The following SCAI variants were observed in gnomAD, a reference collection of about 807,000 sequenced individuals.
SCAI encodes protein SCAI.
Under a neutral mutation model 92.2 loss-of-function variants are expected in SCAI, and 24 were observed. The observed-to-expected ratio is 0.26, with a 90% CI of 0.19 to 0.37. The LOEUF (loss-of-function observed/expected upper bound fraction) is 0.37, where lower values mean the gene tolerates loss of function less well. Among genes scored for constraint, SCAI ranks in the 10% least tolerant of loss-of-function variants. SCAI has a pLI of 1.00. For missense variants in SCAI, 450 were observed against 736.2 expected (o/e 0.61, Z 4.50); for synonymous variants, 261 against 258.6 (o/e 1.01, Z -0.09).
At chr9:125,089,682 G>C (rs1334982046) in intron 2 of SCAI, among the ~76,000 whole-genome samples, 1 of 150,930 alleles carries the variant, frequency 6.6e-6, no homozygotes, top group East Asian at 1.9e-4. Context: ...TTTTGGTTTG[G>C]GGTTGGGGGG....
chr9:124,968,559 T>G, intron 17 of SCAI: 1 of 906,410 alleles, frequency 1.1e-6, no homozygotes, highest in South Asian at 1.3e-5. Flanking sequence ...GGAAACATCA[T>G]AGTCCTCAAA....
chr9:125,006,480 A>ACATTCATT (rs144230376), intron 9 of SCAI, among the ~76,000 whole-genome samples: 21 of 152,202 alleles, frequency 1.4e-4, no homozygotes, highest in African/African-American at 3.4e-4. Flanking sequence ...ATAACCTAAT[A>ACATTCATT]CATTCATTCA....
intron 17 of SCAI, among the ~76,000 whole-genome samples, chr9:124,959,031 T>G (rs1831379003): frequency 6.6e-6 from 1 of 151,994 alleles, no homozygotes; most frequent in Non-Finnish European, 1.5e-5. Context: ...GTAGCTTCAA[T>G]TTGCATTGAA....
intron 13 of SCAI, among the ~76,000 whole-genome samples, chr9:124,997,150 G>A (rs949004962): frequency 4.6e-5 from 7 of 151,958 alleles, no homozygotes; most frequent in Admixed American, 3.3e-4. Flanking sequence ...AATCCAAAAC[G>A]AAAAATGCTC....
At chr9:125,099,116 A>G (rs1834624973) in intron 2 of SCAI, among the ~76,000 whole-genome samples, 1 of 152,290 alleles carries the variant, frequency 6.6e-6, no homozygotes, top group Admixed American at 6.5e-5. Context: ...ACTTCCTTGA[A>G]GTTTATTTCT....
At chr9:125,020,624 T>C in intron 7 of SCAI, 49 bp downstream of exon 7, 1 of 783,572 alleles carries the variant, frequency 1.3e-6, no homozygotes, top group East Asian at 2.8e-5. Context: ...AATAAGATCA[T>C]CCATATACAA....
chr9:125,091,878 G>A lies in SCAI; in HGVS notation c.99-35871C>T, dbSNP rs929092643. On this transcript the variant is annotated intron_variant, in intron 2 of 17. Coordinates refer to ENST00000336505, the MANE Select transcript of SCAI (RefSeq NM_001144877.3). This position sits in a 1 kb window ranked among gnomAD's most constrained non-coding sequence, Gnocchi z 4.3. ...TGTAATCCCAGCACTGCGGGAGGCCGAGGCGAGCAGATCACGAGGTCAGGA... is the reference window on the plus strand; with the variant it reads ...TGTAATCCCAGCACTGCGGGAGGCCAAGGCGAGCAGATCACGAGGTCAGGA... Among the ~76,000 whole-genome samples the A allele has an allele frequency of 5.3e-5, 8 of 152,156 alleles. No individual in the cohort carries two copies. Among genetic ancestry groups the A allele is most frequent in the Non-Finnish European group, 1.0e-4 (7 of 68,034 alleles).
chr9:124,982,967 A>G (rs912577138), intron 14 of SCAI, among the ~76,000 whole-genome samples: 9 of 152,086 alleles, frequency 5.9e-5, no homozygotes. Flanking sequence ...AGCCTGGAGA[A>G]CATAGCAAGA....
At chr9:125,030,091 T>C (rs1390381195) in intron 3 of SCAI, among the ~76,000 whole-genome samples, 2 of 152,218 alleles carry the variant, frequency 1.3e-5, no homozygotes, top group Non-Finnish European at 2.9e-5. Context: ...AGCTGAATGT[T>C]TGAAAAACAC....
chr9:125,129,454 C>CTTTTTTT (rs1171739834), intron 2 of SCAI, among the ~76,000 whole-genome samples: 1 of 67,558 alleles, frequency 1.5e-5, no homozygotes, highest in Admixed American at 1.8e-4. Flanking sequence ...ATTAGAATTT[C>CTTTTTTT]TTTTTTTTTT....
chr9:125,109,309 A>G (rs1834885482), intron 2 of SCAI, among the ~76,000 whole-genome samples: 1 of 151,952 alleles, frequency 6.6e-6, no homozygotes, highest in Admixed American at 6.6e-5. Context: ...TTGTCCTATG[A>G]CCCTGCCAAA....
intron 17 of SCAI, among the ~76,000 whole-genome samples, chr9:124,965,965 T>C (rs1475724948): frequency 6.6e-6 from 1 of 152,222 alleles, no homozygotes; most frequent in East Asian, 1.9e-4. Context: ...CTCACGGAAA[T>C]GACAGGCATT....
chr9:124,967,981 G>A (rs936517598), intron 17 of SCAI, among the ~76,000 whole-genome samples: 6 of 152,106 alleles, frequency 3.9e-5, no homozygotes, highest in Non-Finnish European at 8.8e-5. Context: ...TTCTCCTGCT[G>A]GAATTTTTCC....
chr9:125,109,066 C>T lies in SCAI; in HGVS notation c.98+33567G>A, dbSNP rs183446833. 1.7e-4 allele frequency among the ~76,000 whole-genome samples: 26 copies of T among 152,302 alleles called. No individual in the cohort carries two copies. In the East Asian group the frequency reaches 4.2e-3, roughly 25 times the overall value. ...TTGATCTATCACCTTACCCCCAACC[C>T]GCTGCTCTCTGAAACATGTGCTGTG... On this transcript the variant is annotated intron_variant, in intron 2 of 17. Coordinates refer to ENST00000336505, the MANE Select transcript of SCAI (RefSeq NM_001144877.3).
At chr9:125,056,713 G>A (rs1004686769) in intron 2 of SCAI, among the ~76,000 whole-genome samples, 16 of 152,162 alleles carry the variant, frequency 1.1e-4, no homozygotes, top group South Asian at 6.2e-4. Context: ...CACTTTATCC[G>A]TGTATTTATT....
At chr9:125,128,680 G>T (rs1835329866) in intron 2 of SCAI, among the ~76,000 whole-genome samples, 1 of 151,966 alleles carries the variant, frequency 6.6e-6, no homozygotes, top group Admixed American at 6.6e-5. Context: ...ATGAACCCAG[G>T]AGGCAGAGCT....
chr9:125,038,691 G>A (rs1354005615), intron 3 of SCAI, among the ~76,000 whole-genome samples: 1 of 152,006 alleles, frequency 6.6e-6, no homozygotes, highest in African/African-American at 2.4e-5. Flanking sequence ...ATTTTCTCAG[G>A]ATACTGAGAG....
At chr9:125,110,349 C>T (rs1246210208) in intron 2 of SCAI, among the ~76,000 whole-genome samples, 1 of 152,112 alleles carries the variant, frequency 6.6e-6, no homozygotes, top group Non-Finnish European at 1.5e-5. Context: ...TTCTAAAACA[C>T]AATTTTAAAA....
chr9:125,057,270 A>G (rs1340141818), intron 2 of SCAI, among the ~76,000 whole-genome samples: 2 of 152,214 alleles, frequency 1.3e-5, no homozygotes, highest in African/African-American at 4.8e-5. Flanking sequence ...CTCTGCCAAA[A>G]GACAGTAGAA....
Sources: allele counts gnomAD v4.1 joint callset (sites outside exome capture counted in the v4.1 genomes callset), GRCh38; gene constraint gnomAD v4.1.1; non-coding constraint Gnocchi (gnomAD v3.1); transcripts MANE v1.5; gene names NCBI Gene and HGNC (gene_info 2026-07-23, HGNC 2026-07-21).